Variants in SLC22A3 observed in about 807,000 individuals in gnomAD.
SLC22A3 encodes solute carrier family 22 member 3, also known as EMT organic cation transporter 3.
SLC22A3 carries 51 observed loss-of-function variants against 59.1 expected under a neutral mutation model. The observed-to-expected ratio is 0.86, with a 90% confidence interval of 0.69 to 1.09. The LOEUF is 1.09. Ranked by LOEUF, SLC22A3 falls within the 50% of genes least tolerant of loss-of-function variation. SLC22A3 has a pLI of 0.00. For synonymous variants in SLC22A3, 325 were observed against 292.0 expected (o/e 1.11, Z -1.15); for missense variants, 711 against 726.3 (o/e 0.98, Z 0.24).
chr6:160,420,495 T>C (rs564581683), intron 5 of SLC22A3, among the ~76,000 whole-genome samples: 6 of 152,316 alleles, frequency 3.9e-5, no homozygotes, highest in Admixed American at 6.5e-5. Flanking sequence ...CACATTATGG[T>C]CCCATAAACT....
chr6:160,434,320 T>C (rs533557152), intron 5 of SLC22A3, among the ~76,000 whole-genome samples: 56 of 152,340 alleles, frequency 3.7e-4, no homozygotes, highest in African/African-American at 1.3e-3. Flanking sequence ...CCATCAACTA[T>C]CAAGAATGTT....
intron 5 of SLC22A3, among the ~76,000 whole-genome samples, chr6:160,421,551 C>T (rs915722949): frequency 6.6e-6 from 1 of 152,194 alleles, no homozygotes; most frequent in Non-Finnish European, 1.5e-5. Flanking sequence ...CCTTGGTAGG[C>T]AGAGAAGCAT....
intron 1 of SLC22A3, among the ~76,000 whole-genome samples, chr6:160,370,631 G>C (rs1191048927): frequency 6.6e-6 from 1 of 152,100 alleles, no homozygotes; most frequent in Non-Finnish European, 1.5e-5. Context: ...ATAAATAGTA[G>C]CATATTACTT....
intron 7 of SLC22A3, 64 bp downstream of exon 7, chr6:160,437,275 G>A (rs1788379251): frequency 1.3e-6 from 2 of 1,497,836 alleles, no homozygotes; most frequent in South Asian, 2.3e-5. Context: ...CCACAATCAA[G>A]TATAGGGAGC....
chr6:160,390,440 C>T (rs1381187627), intron 1 of SLC22A3, among the ~76,000 whole-genome samples: 2 of 152,180 alleles, frequency 1.3e-5, no homozygotes, highest in African/African-American at 2.4e-5. Flanking sequence ...TGGGCTCCCT[C>T]TTCTCCTGTG....
rs1201898075 is a variant in SLC22A3, at chr6:160,348,388, G to C, written c.-32G>C. 4 of 1,422,304 alleles carry C rather than the reference G, an allele frequency of 2.8e-6. No homozygotes were observed. Among genetic ancestry groups the C allele is most frequent in the East Asian group, 2.8e-5 (1 of 35,380 alleles). 88.1% of individuals were successfully genotyped at this position (1,422,304 alleles called of 1,614,324 possible). ...CTGGGTCCGCGGGTCACTCCGAGGC[G>C]CGGGCTGCGGGCGGCGGGCGGCGGG... On this transcript the variant is annotated 5_prime_UTR_variant, in exon 1 of 11. Transcript: ENST00000275300.
chr6:160,420,895 G>A (rs1254368136), intron 5 of SLC22A3, among the ~76,000 whole-genome samples: 3 of 152,214 alleles, frequency 2.0e-5, no homozygotes, highest in Non-Finnish European at 4.4e-5. Context: ...CCGTTCCCGG[G>A]ATTGGGGGCA....
In SLC22A3 at chr6:160,367,763, C is replaced by T. The variant is rs558989646; in HGVS notation, c.429+18915C>T. 3.1e-4 allele frequency among the ~76,000 whole-genome samples: 47 copies of T among 152,268 alleles called. 1 individual carries two copies. Among genetic ancestry groups the T allele is most frequent in the East Asian group, 2.7e-3 (14 of 5,172 alleles). On this transcript the variant is annotated intron_variant, in intron 1 of 10. Coordinates refer to ENST00000275300, the MANE Select transcript of SLC22A3 (RefSeq NM_021977.4). ...CATCATGGATGATGGGGCACTGTTACGGGTGCTGGGACACTGCCATGAACA... is the reference window on the plus strand; with the variant it reads ...CATCATGGATGATGGGGCACTGTTATGGGTGCTGGGACACTGCCATGAACA...
At chr6:160,373,694 A>G (rs1785483064) in intron 1 of SLC22A3, among the ~76,000 whole-genome samples, 2 of 152,242 alleles carry the variant, frequency 1.3e-5, no homozygotes, top group Admixed American at 1.3e-4. Context: ...TTTCTTTCAG[A>G]GAGGCCCTGC....
intron 1 of SLC22A3, among the ~76,000 whole-genome samples, chr6:160,373,580 G>A (rs1417819919): frequency 2.6e-5 from 4 of 152,182 alleles, no homozygotes; most frequent in South Asian, 2.1e-4. Flanking sequence ...AGGCAGGAAC[G>A]TTTAAGTCTA....
intron 1 of SLC22A3, among the ~76,000 whole-genome samples, chr6:160,382,919 A>C (rs2114798576): frequency 6.6e-6 from 1 of 152,382 alleles, no homozygotes; most frequent in East Asian, 1.9e-4. Flanking sequence ...CTTGCTAAAC[A>C]GTCTCAATAG....
Position 160,417,541 on chromosome 6 carries a change from T to C in SLC22A3, c.975+6695T>C, listed in dbSNP as rs963595241. Among the ~76,000 whole-genome samples, 15 of 152,224 alleles carry C rather than the reference T, an allele frequency of 9.9e-5. 1 individual carries two copies. Among genetic ancestry groups the C allele is most frequent in the Admixed American group, 8.5e-4 (13 of 15,282 alleles). On this transcript the variant is annotated intron_variant, in intron 5 of 10. Transcript: ENST00000275300. Reference sequence around the variant, plus strand: ...TAGGGTTCAACACATTCTTTGGTGATGCAGGGGTATCTGATTGTGGTAGAT... The same window carrying C: ...TAGGGTTCAACACATTCTTTGGTGACGCAGGGGTATCTGATTGTGGTAGAT...
chr6:160,423,284 A>G (rs1787820920), intron 5 of SLC22A3, among the ~76,000 whole-genome samples: 1 of 152,220 alleles, frequency 6.6e-6, no homozygotes, highest in African/African-American at 2.4e-5. Flanking sequence ...TAGTGCCACA[A>G]TAAACATATG....
rs1260965711 is a variant in SLC22A3, at chr6:160,415,159, AG to A, written c.975+4314del. Among the ~76,000 whole-genome samples the A allele has an allele frequency of 1.3e-5, 2 of 152,240 alleles. No individual in the cohort carries two copies. The highest frequency in any genetic ancestry group is 2.9e-5 in the Non-Finnish European group (2 of 68,042). On this transcript the variant is annotated intron_variant, in intron 5 of 10. Coordinates refer to ENST00000275300, the MANE Select transcript of SLC22A3 (RefSeq NM_021977.4). The surrounding 1 kb of genome is among the most constrained non-coding windows in gnomAD (Gnocchi z 4.1). The stretch of plus-strand genomic sequence containing the variant: ...AGAAAAGCAAAGTGTTATCTTCAAG[AG>A]AAGGATTTAACATTTAAGTTTAAAA...
intron 1 of SLC22A3, among the ~76,000 whole-genome samples, chr6:160,356,995 A>C (rs1044287290): frequency 2.3e-4 from 35 of 152,176 alleles, no homozygotes; most frequent in African/African-American, 8.4e-4. Context: ...AAGGTGAATA[A>C]ATAAATGTAA....
At chr6:160,395,972 G>A (rs1426240475) in intron 1 of SLC22A3, among the ~76,000 whole-genome samples, 1 of 152,134 alleles carries the variant, frequency 6.6e-6, no homozygotes, top group Non-Finnish European at 1.5e-5. Flanking sequence ...CATGAAACTG[G>A]GGTAAGCATA....
chr6:160,402,430 C>T (rs960541282), intron 2 of SLC22A3, among the ~76,000 whole-genome samples: 5 of 151,812 alleles, frequency 3.3e-5, no homozygotes, highest in South Asian at 2.1e-4. Context: ...GATTAATCCA[C>T]GATTTCACTG....
At chr6:160,422,831 CTTTTT>C (rs1171628705) in intron 5 of SLC22A3, among the ~76,000 whole-genome samples, 1 of 146,644 alleles carries the variant, frequency 6.8e-6, no homozygotes, top group East Asian at 2.0e-4. Flanking sequence ...ATGTCACCTT[CTTTTT>C]TTTTTTAAGT....
chr6:160,361,366 G>C (rs1342253911), intron 1 of SLC22A3, among the ~76,000 whole-genome samples: 5 of 152,192 alleles, frequency 3.3e-5, no homozygotes, highest in African/African-American at 1.2e-4. Context: ...GCCAAAAATG[G>C]ATTATCTAGA....
Sources: gnomAD v4.1 joint callset for allele counts (sites outside exome capture counted in the v4.1 genomes callset) on GRCh38, gnomAD v4.1.1 for gene constraint, Gnocchi (gnomAD v3.1) non-coding constraint, MANE v1.5 for transcripts, NCBI Gene and HGNC (gene_info 2026-07-23, HGNC 2026-07-21) for gene names.